The following CEP44 variants were observed in gnomAD, a reference collection of about 807,000 sequenced individuals.
CEP44 encodes the protein centrosomal protein 44.
Under a neutral mutation model 46.7 loss-of-function variants are expected in CEP44, and 45 were observed. The observed-to-expected ratio is 0.96, with a 90% confidence interval of 0.76 to 1.24. The LOEUF is 1.24. Among genes scored for constraint, CEP44 ranks in the 50% most tolerant of loss-of-function variants. CEP44 has a pLI of 0.00. For synonymous variants in CEP44, 142 were observed against 146.0 expected (o/e 0.97, Z 0.20); for missense variants, 475 against 459.7 (o/e 1.03, Z -0.30).
chr4:174,316,295 GA>G lies in CEP44; in HGVS notation c.1086+9del, dbSNP rs762610340. 7 of 1,607,602 alleles carry G rather than the reference GA, an allele frequency of 4.4e-6. No individual in the cohort carries two copies. Among genetic ancestry groups the G allele is most frequent in the Middle Eastern group, 1.7e-4 (1 of 6,042 alleles). ...GGTTTGAATGAGATTTCAGAGGTAA[GA>G]AAATGCTTAGATTATTTCCTTTCTA... On this transcript the variant is annotated splice_donor_region_variant and intron_variant, in intron 10 of 11. Transcript: ENST00000503780.
intron 11 of CEP44, 28 bp from the exon 12 acceptor site, chr4:174,317,307 A>T: frequency 1.1e-6 from 1 of 899,848 alleles, no homozygotes; most frequent in South Asian, 2.7e-5. Flanking sequence ...TTATTGATTT[A>T]CTTAATATAT....
At chr4:174,295,348 G>A (rs983167251) in intron 1 of CEP44, among the ~76,000 whole-genome samples, 2 of 151,706 alleles carry the variant, frequency 1.3e-5, no homozygotes, top group South Asian at 2.1e-4. Context: ...CATCCCAGAC[G>A]GGGCGGCAGG....
chr4:174,321,899 G>A (rs1742343997), downstream of CEP44, among the ~76,000 whole-genome samples: 2 of 152,078 alleles, frequency 1.3e-5, no homozygotes, highest in African/African-American at 2.4e-5. Flanking sequence ...GAGAGCGAGA[G>A]GAGAGGAAAA....
exon 9 of CEP44, chr4:174,332,571 A>G (rs563383410): frequency 6.6e-6 from 1 of 152,312 alleles, no homozygotes; most frequent in African/African-American, 2.4e-5. Flanking sequence ...TTGTATGAAC[A>G]TATTTAAAGT....
In CEP44 at chr4:174,297,762, G is replaced by C. The variant is rs1028116999; in HGVS notation, c.-147-204G>C. ...CTTGCCTGATGTTACCAAATTTAGT[G>C]CCTCCTTGATTCAATTTCTTTGGAG... On this transcript the variant is annotated intron_variant, in intron 1 of 11. Coordinates refer to ENST00000503780, the MANE Select transcript of CEP44 (RefSeq NM_001040157.3). This position sits in a 1 kb window ranked among gnomAD's most constrained non-coding sequence, Gnocchi z 4.3. Among the ~76,000 whole-genome samples, 2 of 152,012 alleles carry C rather than the reference G, an allele frequency of 1.3e-5. No homozygotes were observed. The highest frequency in any genetic ancestry group is 2.9e-5 in the Non-Finnish European group (2 of 67,992).
At chr4:174,306,327 T>C (rs1405798690) in intron 6 of CEP44, among the ~76,000 whole-genome samples, 3 of 152,196 alleles carry the variant, frequency 2.0e-5, no homozygotes, top group African/African-American at 4.8e-5. Flanking sequence ...GCCCTACTCA[T>C]AGAGCCAGTT....
At position 174,301,624 on chromosome 4, in the gene CEP44, A is replaced by C. The variant is rs530359891; in HGVS notation, c.90-415A>C. Among the ~76,000 whole-genome samples, 3 of 152,316 alleles carry C rather than the reference A, an allele frequency of 2.0e-5. No individual in the cohort carries two copies. Among genetic ancestry groups the C allele is most frequent in the South Asian group, 4.2e-4 (2 of 4,818 alleles). On this transcript the variant is annotated intron_variant, in intron 3 of 11. Transcript: ENST00000503780. The surrounding 1 kb of genome is among the most constrained non-coding windows in gnomAD (Gnocchi z 4.3). ...CCTCATCTGTAACTTAGAATTCATA[A>C]TATTTACCTTTGGAAGTTTGTGGTA...
rs532192384 is a variant in CEP44, at chr4:174,310,734, AG to A, written c.886-46del. On this transcript the variant is annotated intron_variant, in intron 8 of 11. Coordinates refer to ENST00000503780, the MANE Select transcript of CEP44 (RefSeq NM_001040157.3). This position sits in a 1 kb window ranked among gnomAD's most constrained non-coding sequence, Gnocchi z 4.2. ...CTCAGCATTAAGAATATAAAATGAG[AG>A]GGTTTTTCTTTTTATTTCATTCTAA... 297 of 842,702 alleles carry A rather than the reference AG, an allele frequency of 3.5e-4. 1 individual carries two copies. The African/African-American group carries it at 4.6e-3, about 13-fold the overall frequency. The allele number at this position is 842,702 out of a possible 1,614,324, so 52.2% of individuals were successfully genotyped here. A position where few individuals can be genotyped will look rare whatever the true frequency, so the allele number is the denominator to read the frequency against.
downstream of CEP44, chr4:174,320,373 G>T (rs1174656296): frequency 2.1e-6 from 2 of 937,582 alleles, no homozygotes; most frequent in African/African-American, 3.6e-5. Flanking sequence ...TTATATAATT[G>T]ATACACTCTT....
intron 10 of CEP44, 49 bp from the exon 11 acceptor site, chr4:174,316,481 A>G (rs1194299551): frequency 6.6e-7 from 1 of 1,504,486 alleles, no homozygotes; most frequent in Non-Finnish European, 9.2e-7. Context: ...ATCTTTGATG[A>G]TGGTTTACTT....
In CEP44 at chr4:174,301,486, C is replaced by T. The variant is rs1449084148; in HGVS notation, c.90-553C>T. Among the ~76,000 whole-genome samples the T allele has an allele frequency of 6.6e-6, 1 of 152,086 alleles. No individual in the cohort carries two copies. The highest frequency in any genetic ancestry group is 2.4e-5 in the African/African-American group (1 of 41,420). ...AAGCAAAGAAGAGTGGGATACCTTT[C>T]TAGACTGGTGGAATTAACATAGGTA... On this transcript the variant is annotated intron_variant, in intron 3 of 11. Coordinates refer to ENST00000503780, the MANE Select transcript of CEP44 (RefSeq NM_001040157.3). This position sits in a 1 kb window ranked among gnomAD's most constrained non-coding sequence, Gnocchi z 4.3.
rs115424485 is a variant in CEP44 at position 174,329,912 on chromosome 4, G to T, written c.1087-1570G>T. Among the ~76,000 whole-genome samples, 169 of 152,134 alleles carry T rather than the reference G, an allele frequency of 1.1e-3. No homozygotes were observed. Among genetic ancestry groups the T allele is most frequent in the African/African-American group, 3.8e-3 (158 of 41,504 alleles). On this transcript the variant is annotated intron_variant, in intron 8 of 8. Transcript: ENST00000426172. This position sits in a 1 kb window ranked among gnomAD's most constrained non-coding sequence, Gnocchi z 4.0. ...AGAATATGTAAACCAAAATATTTTA[G>T]ATAGGAATACTTATTATAGTTTCAA... is the stretch of plus-strand genomic sequence containing the variant.
rs529093948 is a variant in CEP44 at position 174,319,548 on chromosome 4, G to A, written c.*2165G>A. Reference sequence around the variant, plus strand: ...CCCTTTCTTTTTTTCTTTATATAGTGCAGATATACACACAGAGAAGGGACT... The same window carrying A: ...CCCTTTCTTTTTTTCTTTATATAGTACAGATATACACACAGAGAAGGGACT... On this transcript the variant is annotated 3_prime_UTR_variant, in exon 12 of 12. Coordinates refer to ENST00000503780, the MANE Select transcript of CEP44 (RefSeq NM_001040157.3). 12 of 833,588 alleles carry A rather than the reference G, an allele frequency of 1.4e-5. No individual in the cohort carries two copies. Among genetic ancestry groups the A allele is most frequent in the Non-Finnish European group, 1.7e-5 (12 of 691,956 alleles). 51.6% of individuals were successfully genotyped at this position (833,588 alleles called of 1,614,324 possible). A position where few individuals can be genotyped will look rare whatever the true frequency, so the allele number is the denominator to read the frequency against.
chr4:174,302,770 T>C (rs969829641), intron 4 of CEP44, among the ~76,000 whole-genome samples: 3 of 151,828 alleles, frequency 2.0e-5, no homozygotes, highest in Non-Finnish European at 2.9e-5. Context: ...AACCCACTTA[T>C]CAAATGTAGT....
rs1025889284 is a variant in CEP44 at position 174,318,867 on chromosome 4, T to C, written c.*1484T>C. The C allele has an allele frequency of 2.6e-5, 10 of 390,454 alleles. No homozygotes were observed. The highest frequency in any genetic ancestry group is 3.5e-5 in the Non-Finnish European group (10 of 287,270). The allele number at this position is 390,454 out of a possible 1,614,324, so 24.2% of individuals were successfully genotyped here. A position where few individuals can be genotyped will look rare whatever the true frequency, so the allele number is the denominator to read the frequency against. On this transcript the variant is annotated 3_prime_UTR_variant, in exon 12 of 12. Transcript: ENST00000503780. ...CTCTATTGCCCAGGCTGGAGTGCAC[T>C]GGCGTGATCTCGGCTCACTGCACCT...
Position 174,311,642 on chromosome 4 carries a change from T to A in CEP44, c.961+784T>A, listed in dbSNP as rs1250768954. On this transcript the variant is annotated intron_variant, in intron 9 of 11. Coordinates refer to ENST00000503780, the MANE Select transcript of CEP44 (RefSeq NM_001040157.3). The surrounding 1 kb of genome is among the most constrained non-coding windows in gnomAD (Gnocchi z 4.4). ...GTGTGCCTGGCACGATTCTAACTACTATATTAACTCATTTAATTCTTGAAG... is the reference window on the plus strand; with the variant it reads ...GTGTGCCTGGCACGATTCTAACTACAATATTAACTCATTTAATTCTTGAAG... Among the ~76,000 whole-genome samples the A allele has an allele frequency of 6.6e-6, 1 of 152,088 alleles. No homozygotes were observed. Among genetic ancestry groups the A allele is most frequent in the Non-Finnish European group, 1.5e-5 (1 of 67,968 alleles).
In CEP44 at chr4:174,302,164, G is replaced by A. The variant is rs143955462; in HGVS notation, c.215G>A (p.Arg72His). 2.9e-5 allele frequency: 46 copies of A among 1,603,096 alleles called. No individual in the cohort carries two copies. The African/African-American group carries it at 3.0e-4, about 10-fold the overall frequency. ...NVELIAKNDL[R>H]FIDAVYKLLR... ...GAGCTCATAGCAAAAAATGACTTGC[G>A]CTTTATAGATGCTGTCTATAAGGTA... Residue 72 changes from arginine (R) to histidine (H), a missense_variant, in exon 4 of 12, where the codon CGC (arginine) becomes CAC (histidine). Arg to His is a conservative substitution (Grantham distance 29, BLOSUM62 0). Transcript: ENST00000503780.
intron 8 of CEP44, among the ~76,000 whole-genome samples, chr4:174,327,084 C>T (rs913154195): frequency 1.3e-5 from 2 of 148,366 alleles, no homozygotes; most frequent in African/African-American, 2.5e-5. Context: ...TAGATAGGAG[C>T]CATAAGTGGA....
chr4:174,313,399 G>T (rs1172171829), intron 9 of CEP44, among the ~76,000 whole-genome samples: 1 of 149,228 alleles, frequency 6.7e-6, no homozygotes, highest in East Asian at 2.0e-4. Context: ...AAAAAAAGGT[G>T]TGCTACCACA....
Sources: allele counts gnomAD v4.1 joint callset (sites outside exome capture counted in the v4.1 genomes callset), GRCh38; gene constraint gnomAD v4.1.1; non-coding constraint Gnocchi (gnomAD v3.1); transcripts MANE v1.5; gene names NCBI Gene and HGNC (gene_info 2026-07-23, HGNC 2026-07-21).